The following NR5A2 variants were observed in gnomAD, a reference collection of about 807,000 sequenced individuals.
NR5A2 encodes the protein CYP7A promoter-binding factor.
In NR5A2, 26 loss-of-function variants were observed where a neutral mutation model predicts 62.7. The observed-to-expected ratio is 0.41, with a 90% CI of 0.30 to 0.58. The LOEUF (loss-of-function observed/expected upper bound fraction) is 0.58. Ranked by LOEUF, NR5A2 falls within the 20% of genes least tolerant of loss-of-function variation. The pLI is 0.22. For synonymous variants in NR5A2, 246 were observed against 241.7 expected (o/e 1.02, Z -0.16); for missense variants, 541 against 669.1 (o/e 0.81, Z 2.11).
chr1:200,103,955 G>A (rs1447367018), intron 5 of NR5A2, among the ~76,000 whole-genome samples: 3 of 151,732 alleles, frequency 2.0e-5, no homozygotes, highest in Non-Finnish European at 4.4e-5. Context: ...GGACTATTGG[G>A]CGTGACGTAC....
intron 7 of NR5A2, among the ~76,000 whole-genome samples, chr1:200,167,799 A>G (rs1653973965): frequency 6.6e-6 from 1 of 152,120 alleles, no homozygotes; most frequent in South Asian, 2.1e-4. Context: ...TTGTATATAG[A>G]CCACTGTCTG....
intron 1 of NR5A2, among the ~76,000 whole-genome samples, chr1:200,038,324 T>C (rs1661878152): frequency 6.6e-6 from 1 of 152,202 alleles, no homozygotes; most frequent in Non-Finnish European, 1.5e-5. Context: ...GCTTAGATGA[T>C]CTTGGGCTCC....
chr1:200,079,224 C>T lies in NR5A2; in HGVS notation c.1110+30406C>T, dbSNP rs540171865. Among the ~76,000 whole-genome samples, 39 of 152,230 alleles carry T rather than the reference C, an allele frequency of 2.6e-4. No homozygotes were observed. The East Asian group carries it at 3.9e-3, about 15-fold the overall frequency. ...TGGAGCAGAGTTACTTAGAGTGCTC[C>T]GAATCCCATCTTTGATCTCTGGCGA... On this transcript the variant is annotated intron_variant, in intron 5 of 7. Transcript: ENST00000367362.
At chr1:200,121,357 G>A (rs759614507) in intron 7 of NR5A2, among the ~76,000 whole-genome samples, 22 of 152,068 alleles carry the variant, frequency 1.4e-4, no homozygotes, top group Non-Finnish European at 2.6e-4. Flanking sequence ...ATTTACTTCT[G>A]TTTTTATTCT....
intron 7 of NR5A2, among the ~76,000 whole-genome samples, chr1:200,171,768 G>A (rs1057016621): frequency 9.2e-5 from 14 of 151,928 alleles, no homozygotes; most frequent in Non-Finnish European, 1.3e-4. Context: ...AAAGAAAGAA[G>A]TTAACCATTG....
intron 5 of NR5A2, among the ~76,000 whole-genome samples, chr1:200,090,949 T>C (rs922204872): frequency 2.6e-5 from 4 of 152,182 alleles, no homozygotes; most frequent in Non-Finnish European, 4.4e-5. Context: ...TGTGTTCTGG[T>C]GCCATCCTGA....
rs1030400188 is a variant in NR5A2 at position 200,042,710 on chromosome 1, G to T, written c.203-1064G>T. On this transcript the variant is annotated intron_variant, in intron 2 of 7. Coordinates refer to ENST00000367362, the MANE Select transcript of NR5A2 (RefSeq NM_205860.3). ...GGGTCCCGGCTGCGCAGACCTGCGGGTGCCCGCCCACCCGCGCCCCGCGCT... is the reference window on the plus strand; with the variant it reads ...GGGTCCCGGCTGCGCAGACCTGCGGTTGCCCGCCCACCCGCGCCCCGCGCT... The T allele has an allele frequency of 1.5e-5, 10 of 646,826 alleles. No homozygotes were observed. The African/African-American group carries it at 2.0e-4, about 13-fold the overall frequency. The allele number at this position is 646,826 out of a possible 1,614,324, so 40.1% of individuals were successfully genotyped here.
In NR5A2 at chr1:200,108,081, C is replaced by CGTGTGTGTGT. The variant is rs71132660; in HGVS notation, c.1111-3096_1111-3087dup. ...TGATGAGATGGCTCTAGAAGACATA[C>CGTGTGTGTGT]GTGTGTGTGTGTGTGTGTGTGTGTG... On this transcript the variant is annotated intron_variant, in intron 5 of 7. Transcript: ENST00000367362. 2.4e-3 allele frequency among the ~76,000 whole-genome samples: 359 copies of CGTGTGTGTGT among 146,870 alleles called. 4 individuals are homozygous for CGTGTGTGTGT. The highest frequency in any genetic ancestry group is 7.6e-3 in the African/African-American group (301 of 39,684).
chr1:200,071,785 A>C (rs1371245244), intron 5 of NR5A2, among the ~76,000 whole-genome samples: 1 of 152,204 alleles, frequency 6.6e-6, no homozygotes, highest in Non-Finnish European at 1.5e-5. Context: ...GGACCACAGG[A>C]TCAAGCACTG....
chr1:200,127,223 G>C (rs976319991), intron 7 of NR5A2, among the ~76,000 whole-genome samples: 1 of 152,122 alleles, frequency 6.6e-6, no homozygotes, highest in Non-Finnish European at 1.5e-5. Flanking sequence ...GGAGACATTG[G>C]ATCTCATCAA....
At position 200,174,211 on chromosome 1, in the gene NR5A2, G is replaced by A. The variant is rs771802302; in HGVS notation, c.*1G>A. 1.8e-5 allele frequency: 28 copies of A among 1,584,160 alleles called. No individual in the cohort carries two copies. The highest frequency in any genetic ancestry group is 1.8e-5 in the Non-Finnish European group (21 of 1,163,512). On this transcript the variant is annotated 3_prime_UTR_variant, in exon 8 of 8. Coordinates refer to ENST00000367362, the MANE Select transcript of NR5A2 (RefSeq NM_205860.3). ...AATGTTGCATGCCAAAAGAGCATAAGTTACAACCCCTAGGAGCTCTGCTTT... is the reference window on the plus strand; with the variant it reads ...AATGTTGCATGCCAAAAGAGCATAAATTACAACCCCTAGGAGCTCTGCTTT...
rs562708909 is a variant in NR5A2, at chr1:200,075,671, C to T, written c.1110+26853C>T. Among the ~76,000 whole-genome samples, 11 of 152,298 alleles carry T rather than the reference C, an allele frequency of 7.2e-5. 2 individuals carry two copies. The highest frequency in any genetic ancestry group is 1.4e-4 in the African/African-American group (6 of 41,554). On this transcript the variant is annotated intron_variant, in intron 5 of 7. Transcript: ENST00000367362. ...CAAGTTGAGCAGCAAAAGCCAAAGTCGCACATCTGTGTCTTGTCGCCACCT... is the reference window on the plus strand; with the variant it reads ...CAAGTTGAGCAGCAAAAGCCAAAGTTGCACATCTGTGTCTTGTCGCCACCT...
At chr1:200,108,729 A>C (rs1665808384) in intron 5 of NR5A2, among the ~76,000 whole-genome samples, 1 of 152,242 alleles carries the variant, frequency 6.6e-6, no homozygotes, top group South Asian at 2.1e-4. Flanking sequence ...TAGACTAATA[A>C]ATCTGAAATA....
Position 200,176,644 on chromosome 1 carries a change from A to G in NR5A2, c.*2434A>G, listed in dbSNP as rs1052644509. ...GTCTTTAACATTGCCAAAAAAACAA[A>G]TATGTTGATTTTTATTTTATTTTAT... On this transcript the variant is annotated 3_prime_UTR_variant, in exon 8 of 8. Coordinates refer to ENST00000367362, the MANE Select transcript of NR5A2 (RefSeq NM_205860.3). 1.3e-5 allele frequency: 2 copies of G among 152,132 alleles called. No homozygotes were observed. Among genetic ancestry groups the G allele is most frequent in the African/African-American group, 4.8e-5 (2 of 41,424 alleles). The allele number at this position is 152,132 out of a possible 1,614,324, so 9.4% of individuals were successfully genotyped here.
At chr1:200,152,645 G>A (rs1653184060) in intron 7 of NR5A2, among the ~76,000 whole-genome samples, 1 of 152,126 alleles carries the variant, frequency 6.6e-6, no homozygotes, top group Admixed American at 6.5e-5. Flanking sequence ...TTTAGGGGAA[G>A]GGAGGAATAT....
chr1:200,040,243 TC>T (rs1662001769), intron 2 of NR5A2, among the ~76,000 whole-genome samples: 1 of 152,078 alleles, frequency 6.6e-6, no homozygotes, highest in African/African-American at 2.4e-5. Flanking sequence ...AGAGGTGACC[TC>T]CGAAAGGATT....
intron 6 of NR5A2, among the ~76,000 whole-genome samples, chr1:200,112,230 GGA>G (rs1393491866): frequency 6.6e-6 from 1 of 152,192 alleles, no homozygotes; most frequent in Non-Finnish European, 1.5e-5. Flanking sequence ...TCTTAAAGGA[GGA>G]GAGACAGCTT....
chr1:200,063,468 A>G lies in NR5A2; in HGVS notation c.1110+14650A>G, dbSNP rs1663324350. ...CCACCCCGCCCGGCCTAAAAGCATT[A>G]CTATGTTGCACTCATCTGTTGGTAT... On this transcript the variant is annotated intron_variant, in intron 5 of 7. Coordinates refer to ENST00000367362, the MANE Select transcript of NR5A2 (RefSeq NM_205860.3). Among the ~76,000 whole-genome samples the G allele has an allele frequency of 2.6e-5, 4 of 152,278 alleles. 1 individual carries two copies. In the South Asian group the frequency reaches 8.3e-4, roughly 32 times the overall value.
intron 7 of NR5A2, among the ~76,000 whole-genome samples, chr1:200,127,506 G>A (rs1044225991): frequency 2.0e-5 from 3 of 150,798 alleles, no homozygotes; most frequent in Non-Finnish European, 3.0e-5. Context: ...GTGAAACCTC[G>A]TCTCTACTAA....
Sources: allele counts gnomAD v4.1 joint callset (sites outside exome capture counted in the v4.1 genomes callset), GRCh38; gene constraint gnomAD v4.1.1; transcripts MANE v1.5; gene names NCBI Gene and HGNC (gene_info 2026-07-23, HGNC 2026-07-21).